Variants in CES5A observed in about 807,000 individuals in gnomAD.
CES5A encodes carboxylesterase 5.
Under a neutral mutation model 62.9 loss-of-function variants are expected in CES5A, and 67 were observed. The ratio of observed to expected loss-of-function variants is 1.07; its 90% CI spans 0.88 to 1.31. The LOEUF is 1.31. Among genes scored for constraint, CES5A ranks in the 50% most tolerant of loss-of-function variants. CES5A has a pLI of 0.00. For missense variants in CES5A, 748 were observed against 708.5 expected (o/e 1.06, Z -0.63); for synonymous variants, 296 against 280.8 (o/e 1.05, Z -0.54).
intron 10 of CES5A, among the ~76,000 whole-genome samples, chr16:55,850,202 C>T (rs1233975977): frequency 1.3e-5 from 2 of 152,146 alleles, no homozygotes; most frequent in Admixed American, 1.3e-4. Flanking sequence ...ATTTTCTTAA[C>T]AATATTTTTA....
chr16:55,852,655 TGAA>T (rs2033155202), intron 10 of CES5A, among the ~76,000 whole-genome samples: 1 of 152,150 alleles, frequency 6.6e-6, no homozygotes, highest in Non-Finnish European at 1.5e-5. Flanking sequence ...TACATGGTCC[TGAA>T]GAAGGGGAAG....
upstream of CES5A, among the ~76,000 whole-genome samples, chr16:55,876,294 A>G (rs1363436368): frequency 6.6e-6 from 1 of 152,158 alleles, no homozygotes; most frequent in Admixed American, 6.5e-5. Flanking sequence ...AAAAGCTGTT[A>G]TTAAAGAAAA....
intron 1 of CES5A, among the ~76,000 whole-genome samples, chr16:55,885,852 G>A (rs956001728): frequency 9.2e-5 from 14 of 152,168 alleles, no homozygotes; most frequent in Admixed American, 3.3e-4. Context: ...AACCAGAGCC[G>A]CCCATTATGA....
At chr16:55,955,700 G>T in intron 1 of CES5A, 1 of 812,726 alleles carries the variant, frequency 1.2e-6, no homozygotes, top group Non-Finnish European at 1.9e-6. Context: ...GGCAGTCAAG[G>T]TATCCATCTA....
intron 4 of CES5A, 166 bp downstream of exon 4, chr16:55,869,445 T>G: frequency 4.7e-6 from 6 of 1,276,724 alleles, no homozygotes; most frequent in Middle Eastern, 2.9e-4. Context: ...CCACCAACAT[T>G]TTGGGATTTA....
intron 1 of CES5A, among the ~76,000 whole-genome samples, chr16:55,889,310 A>G (rs1333558035): frequency 1.3e-5 from 2 of 152,082 alleles, no homozygotes; most frequent in Admixed American, 1.3e-4. Flanking sequence ...ACAGCAGCAA[A>G]TCCCACAGGT....
rs1186003366 is a variant in CES5A at position 55,899,691 on chromosome 16, A to G, written c.-256+25632T>C. Among the ~76,000 whole-genome samples, 3 of 152,312 alleles carry G rather than the reference A, an allele frequency of 2.0e-5. No individual in the cohort carries two copies. The East Asian group carries it at 5.8e-4, about 29-fold the overall frequency. ...TTTTGTCCCCCAGGGGACATTTGGC[A>G]ATGTCTGAAGATATTCGATAGTCAC... is the stretch of plus-strand genomic sequence containing the variant. On this transcript the variant is annotated intron_variant, in intron 1 of 12. Coordinates refer to the CES5A transcript ENST00000518005.
intron 2 of CES5A, among the ~76,000 whole-genome samples, chr16:55,946,605 G>A (rs778263081): frequency 2.3e-4 from 35 of 152,326 alleles, no homozygotes; most frequent in Admixed American, 4.6e-4. Context: ...CTTGGGCTTA[G>A]GGAATGTTTT....
intron 9 of CES5A, among the ~76,000 whole-genome samples, chr16:55,853,951 C>G (rs775824054): frequency 1.4e-4 from 22 of 152,188 alleles, no homozygotes; most frequent in Non-Finnish European, 2.9e-4. Context: ...GGGAATGCTG[C>G]TCAGACTCGT....
intron 1 of CES5A, among the ~76,000 whole-genome samples, chr16:55,898,918 T>C (rs564648201): frequency 2.2e-4 from 33 of 152,166 alleles, no homozygotes; most frequent in Non-Finnish European, 4.0e-4. Flanking sequence ...AACCACCTCA[T>C]AATGGAAGTC....
chr16:55,937,136 C>T lies in CES5A; in HGVS notation c.160+12649G>A, dbSNP rs149957966. On this transcript the variant is annotated intron_variant, in intron 2 of 13. Transcript: ENST00000521992. ...GTATGTGCTTTGCCTACCTGGAGAA[C>T]TTAACATGTCCTTCAAGACCCACCT... is the stretch of plus-strand genomic sequence containing the variant. Among the ~76,000 whole-genome samples, 3 of 152,292 alleles carry T rather than the reference C, an allele frequency of 2.0e-5. No homozygotes were observed. The East Asian group carries it at 5.8e-4, about 29-fold the overall frequency.
Position 55,895,968 on chromosome 16 carries a change from C to G in CES5A, c.-255-21931G>C, listed in dbSNP as rs547700385. ...GATTAGTTCCTGAGAGAGAGGAGAA[C>G]CTGATGTTCAAGACGAGTTTAGCTT... On this transcript the variant is annotated intron_variant, in intron 1 of 12. Transcript: ENST00000518005. 3.3e-5 allele frequency among the ~76,000 whole-genome samples: 5 copies of G among 152,196 alleles called. No homozygotes were observed. The South Asian group carries it at 1.0e-3, about 32-fold the overall frequency.
chr16:55,946,872 C>G (rs1020770334), intron 2 of CES5A, among the ~76,000 whole-genome samples: 1 of 152,188 alleles, frequency 6.6e-6, no homozygotes, highest in South Asian at 2.1e-4. Flanking sequence ...TTAGCCAAGA[C>G]GTGTTTCTCT....
intron 1 of CES5A, among the ~76,000 whole-genome samples, chr16:55,908,825 C>G (rs949044770): frequency 2.0e-5 from 3 of 152,172 alleles, no homozygotes; most frequent in Non-Finnish European, 2.9e-5. Flanking sequence ...GTTGGGTGCC[C>G]CGTGGAGGCC....
chr16:55,910,053 G>T (rs369049190), intron 1 of CES5A, among the ~76,000 whole-genome samples: 4 of 152,078 alleles, frequency 2.6e-5, no homozygotes, highest in Admixed American at 6.5e-5. Context: ...CAGTGAGCCC[G>T]ACATGCCATT....
At chr16:55,934,159 TTACTC>T (rs1728358995) in intron 2 of CES5A, among the ~76,000 whole-genome samples, 1 of 152,208 alleles carries the variant, frequency 6.6e-6, no homozygotes, top group African/African-American at 2.4e-5. Flanking sequence ...TTAATCCCCT[TTACTC>T]TATCAACACT....
rs1327937913 is a variant in CES5A at position 55,866,089 on chromosome 16, G to T, written c.579C>A (p.Asn193Lys). Reference protein sequence around the residue: ...FTTWDQHAPGNWAFKDQVAAL... With the variant: ...FTTWDQHAPGKWAFKDQVAAL... ...CAGCCACCTGGTCCTTGAAGGCCCA[G>T]TTCCCCGGAGCATGCTGATCCCATG... The change falls in exon 5 of 13, where the codon AAC becomes AAA. Residue 193 changes from asparagine (N) to lysine (K), a missense_variant. Coordinates refer to ENST00000290567, the MANE Select transcript of CES5A (RefSeq NM_001143685.2). The T allele has an allele frequency of 6.2e-7, 1 of 1,613,820 alleles. No homozygotes were observed. Among genetic ancestry groups the T allele is most frequent in the East Asian group, 2.2e-5 (1 of 44,866 alleles).
intron 9 of CES5A, among the ~76,000 whole-genome samples, chr16:55,854,531 C>CTT (rs763141152): frequency 5.8e-5 from 3 of 52,162 alleles, no homozygotes; most frequent in East Asian, 6.2e-4. Flanking sequence ...TGTAGTGTTT[C>CTT]TTTTTTTTTT....
chr16:55,913,269 T>C (rs1335755482), intron 1 of CES5A, among the ~76,000 whole-genome samples: 2 of 151,936 alleles, frequency 1.3e-5, no homozygotes, highest in African/African-American at 4.8e-5. Flanking sequence ...CTGGGTGCAA[T>C]GGCAGAACTG....
Sources: allele counts gnomAD v4.1 joint callset (sites outside exome capture counted in the v4.1 genomes callset), GRCh38; gene constraint gnomAD v4.1.1; transcripts MANE v1.5; gene names NCBI Gene and HGNC (gene_info 2026-07-23, HGNC 2026-07-21).